The following PHACTR1 variants were observed in gnomAD, a reference collection of about 807,000 sequenced individuals.
PHACTR1 encodes the protein phosphatase and actin regulator 1, also known as RPEL repeat containing 1.
Under a neutral mutation model 69.2 loss-of-function variants are expected in PHACTR1, and 16 were observed. That is an observed-to-expected ratio of 0.23 (90% CI 0.16 to 0.35). The LOEUF (loss-of-function observed/expected upper bound fraction) is 0.35, where lower values mean the gene tolerates loss of function less well. Among genes scored for constraint, PHACTR1 ranks in the 10% least tolerant of loss-of-function variants. The pLI, the probability that PHACTR1 is intolerant of heterozygous loss-of-function variation, is 1.00. For missense variants in PHACTR1, 510 were observed against 734.7 expected, an observed-to-expected ratio of 0.69 and a Z score of 3.54; for synonymous variants, 312 against 284.5, an observed-to-expected ratio of 1.10 and a Z score of -0.97.
intron 5 of PHACTR1, among the ~76,000 whole-genome samples, chr6:13,098,910 C>T (rs1173637150): frequency 6.6e-6 from 1 of 152,248 alleles, no homozygotes; most frequent in Admixed American, 6.5e-5. Context: ...TGGGCAACTG[C>T]AATCAAGTCT....
intron 8 of PHACTR1, among the ~76,000 whole-genome samples, chr6:13,209,514 C>T (rs1766474537): frequency 6.6e-6 from 1 of 152,226 alleles, no homozygotes. Flanking sequence ...ACACCATAGG[C>T]CATCGGTCCA....
At position 13,212,957 on chromosome 6, in the gene PHACTR1, G is replaced by A. The variant is rs149339899; in HGVS notation, c.986+6821G>A. Among the ~76,000 whole-genome samples the A allele has an allele frequency of 9.9e-5, 15 of 152,192 alleles. No individual in the cohort carries two copies. The East Asian group carries it at 2.5e-3, about 25-fold the overall frequency. On this transcript the variant is annotated intron_variant, in intron 8 of 14. Coordinates refer to ENST00000332995, the MANE Select transcript of PHACTR1 (RefSeq NM_030948.6). The stretch of plus-strand genomic sequence containing the variant: ...ATCAAAGCATTTTTCACCATCTAAC[G>A]TTTTGTGTCATTTGCCTTTCATTCG...
intron 12 of PHACTR1, among the ~76,000 whole-genome samples, chr6:13,279,027 T>C (rs1343223467): frequency 1.1e-4 from 12 of 109,714 alleles, no homozygotes; most frequent in African/African-American, 3.5e-4. Flanking sequence ...TGGGAAAGTA[T>C]AGACTTTTTT....
chr6:13,025,222 T>G (rs4132044), intron 4 of PHACTR1, among the ~76,000 whole-genome samples: 27,102 of 151,924 alleles, frequency 0.18, 2,746 homozygotes, highest in South Asian at 0.26. Context: ...GCCACTACAC[T>G]CTAGCCTGGG....
chr6:12,979,788 G>A (rs933946767), intron 4 of PHACTR1, among the ~76,000 whole-genome samples: 1 of 149,870 alleles, frequency 6.7e-6, no homozygotes, highest in Non-Finnish European at 1.5e-5. Context: ...CAGTGTATTT[G>A]GGGAATTCTG....
At chr6:13,228,425 C>A (rs187642277) in intron 9 of PHACTR1, among the ~76,000 whole-genome samples, 161 of 152,278 alleles carry the variant, frequency 1.1e-3, no homozygotes, top group Admixed American at 2.2e-3. Flanking sequence ...CACTCAAATA[C>A]TACTCACTGT....
chr6:12,742,742 G>A (rs1765212543), intron 3 of PHACTR1, among the ~76,000 whole-genome samples: 1 of 152,070 alleles, frequency 6.6e-6, no homozygotes, highest in African/African-American at 2.4e-5. Context: ...GGTTGAATAG[G>A]GGTGATGATA....
At chr6:13,106,623 A>G (rs1270468123) in intron 5 of PHACTR1, among the ~76,000 whole-genome samples, 1 of 152,166 alleles carries the variant, frequency 6.6e-6, no homozygotes, top group East Asian at 1.9e-4. Flanking sequence ...GACTACAGGC[A>G]TGTACCACCA....
chr6:12,928,711 T>G (rs1788551208), intron 4 of PHACTR1, among the ~76,000 whole-genome samples: 1 of 144,850 alleles, frequency 6.9e-6, no homozygotes, highest in Admixed American at 7.6e-5. Context: ...AGAGAGAAAA[T>G]TAAAGCTCTA....
chr6:12,906,376 C>T (rs1785736257), intron 4 of PHACTR1, among the ~76,000 whole-genome samples: 1 of 152,128 alleles, frequency 6.6e-6, no homozygotes, highest in African/African-American at 2.4e-5. Flanking sequence ...TTTTCTCCCT[C>T]CAAAAACCTC....
chr6:13,136,342 T>A (rs1451583802), intron 5 of PHACTR1, among the ~76,000 whole-genome samples: 1 of 152,242 alleles, frequency 6.6e-6, no homozygotes, highest in African/African-American at 2.4e-5. Flanking sequence ...AACTCATGAA[T>A]CAAACTCTGC....
At chr6:13,217,807 A>G (rs1203605461) in intron 8 of PHACTR1, among the ~76,000 whole-genome samples, 1 of 152,228 alleles carries the variant, frequency 6.6e-6, no homozygotes, top group African/African-American at 2.4e-5. Context: ...TTTCTTAAAA[A>G]GAAGCTGATT....
intron 4 of PHACTR1, among the ~76,000 whole-genome samples, chr6:12,864,240 C>T (rs1342061091): frequency 6.6e-6 from 1 of 152,190 alleles, no homozygotes; most frequent in East Asian, 1.9e-4. Flanking sequence ...AGGGGTTGTA[C>T]AAACAGATTG....
intron 5 of PHACTR1, among the ~76,000 whole-genome samples, chr6:13,154,352 G>C (rs776560111): frequency 6.6e-6 from 1 of 151,924 alleles, no homozygotes; most frequent in Non-Finnish European, 1.5e-5. Flanking sequence ...TAGAAATGGG[G>C]TTTCACCATG....
intron 4 of PHACTR1, among the ~76,000 whole-genome samples, chr6:12,768,719 G>A (rs1186803098): frequency 6.6e-6 from 1 of 151,196 alleles, no homozygotes; most frequent in Non-Finnish European, 1.5e-5. Context: ...GGATCCTATG[G>A]TAGTTATATT....
chr6:13,134,280 C>T (rs1299998162), intron 5 of PHACTR1, among the ~76,000 whole-genome samples: 6 of 152,206 alleles, frequency 3.9e-5, no homozygotes, highest in South Asian at 2.1e-4. Context: ...GCCGCCACCC[C>T]GTCTGGGAAG....
At chr6:13,115,380 C>T (rs1033262574) in intron 5 of PHACTR1, among the ~76,000 whole-genome samples, 1 of 152,162 alleles carries the variant, frequency 6.6e-6, no homozygotes. Context: ...CACAAACACT[C>T]TCTCTCTCCC....
intron 11 of PHACTR1, chr6:13,273,188 T>TA (rs1368911412): frequency 2.3e-6 from 1 of 436,244 alleles, no homozygotes; most frequent in East Asian, 3.8e-5. Context: ...GCTGAAAAAT[T>TA]AGAGTGAGAC....
intron 4 of PHACTR1, among the ~76,000 whole-genome samples, chr6:12,983,535 A>G (rs1000293387): frequency 6.6e-6 from 1 of 152,064 alleles, no homozygotes; most frequent in Non-Finnish European, 1.5e-5. Context: ...TTTATTATTT[A>G]TTTATTTATT....
Sources: allele counts gnomAD v4.1 joint callset (sites outside exome capture counted in the v4.1 genomes callset), GRCh38; gene constraint gnomAD v4.1.1; transcripts MANE v1.5; gene names NCBI Gene and HGNC (gene_info 2026-07-23, HGNC 2026-07-21).